Variants in RAP1B observed in about 807,000 individuals in gnomAD.
RAP1B encodes the protein ras-related protein Rap-1b.
RAP1B carries 1 observed loss-of-function variant against 27.5 expected under a neutral mutation model. The ratio of observed to expected loss-of-function variants is 0.04; its 90% CI spans 0.01 to 0.17. The LOEUF (loss-of-function observed/expected upper bound fraction) is 0.17. Among genes scored for constraint, RAP1B ranks in the 10% least tolerant of loss-of-function variants. RAP1B has a pLI of 1.00. For missense variants in RAP1B, 84 were observed against 214.8 expected (o/e 0.39, Z 3.81); for synonymous variants, 75 against 73.1 (o/e 1.03, Z -0.13).
At chr12:68,613,429 T>C (rs1440753103) in intron 1 of RAP1B, among the ~76,000 whole-genome samples, 1 of 149,824 alleles carries the variant, frequency 6.7e-6, no homozygotes, top group Non-Finnish European at 1.5e-5. Flanking sequence ...AAATGATTGC[T>C]CTGCTCTCTT....
chr12:68,654,423 A>G (rs577391284), intron 5 of RAP1B, among the ~76,000 whole-genome samples, 171 bp downstream of exon 5: 6 of 151,026 alleles, frequency 4.0e-5, no homozygotes, highest in Non-Finnish European at 7.4e-5. Flanking sequence ...TTTCAAATAT[A>G]TATCATGTGG....
intron 1 of RAP1B, among the ~76,000 whole-genome samples, chr12:68,637,121 TTA>T (rs1392661003): frequency 6.6e-6 from 1 of 152,228 alleles, no homozygotes; most frequent in Non-Finnish European, 1.5e-5. Flanking sequence ...TGGAAATGAA[TTA>T]TTAGTCTTTA....
At chr12:68,644,087 C>A (rs1873221847) in intron 1 of RAP1B, among the ~76,000 whole-genome samples, 1 of 152,088 alleles carries the variant, frequency 6.6e-6, no homozygotes, top group South Asian at 2.1e-4. Flanking sequence ...ATTAAGACTT[C>A]TGTGATTAAT....
rs1264184485 is a variant in RAP1B at position 68,668,367 on chromosome 12, T to C, written c.*9118T>C. 1 of 152,176 alleles carries C rather than the reference T, an allele frequency of 6.6e-6. No homozygotes were observed. Among genetic ancestry groups the C allele is most frequent in the African/African-American group, 2.4e-5 (1 of 41,446 alleles). The allele number at this position is 152,176 out of a possible 1,614,324, so 9.4% of individuals were successfully genotyped here. On this transcript the variant is annotated 3_prime_UTR_variant, in exon 8 of 8. Coordinates refer to ENST00000250559, the MANE Select transcript of RAP1B (RefSeq NM_001010942.3). ...TATAATAAGGAAGGGGTTTTTTTCT[T>C]AGCCCAGTTACTACTAAAACTCACT...
intron 5 of RAP1B, among the ~76,000 whole-genome samples, chr12:68,655,108 C>T (rs994175002): frequency 6.6e-6 from 1 of 151,990 alleles, no homozygotes; most frequent in East Asian, 1.9e-4. Context: ...CTCAGGAGTT[C>T]AAGACCTCCC....
rs1008655127 is a variant in RAP1B at position 68,643,346 on chromosome 12, C to G, written c.-26-5353C>G. Among the ~76,000 whole-genome samples, 3 of 152,212 alleles carry G rather than the reference C, an allele frequency of 2.0e-5. No homozygotes were observed. In the South Asian group the frequency reaches 6.2e-4, roughly 32 times the overall value. ...AAGTACTAACTTAAGTCCTTTGCTA[C>G]CATATTTATCTTTTCATTCTAGATA... On this transcript the variant is annotated intron_variant, in intron 1 of 7. Coordinates refer to ENST00000250559, the MANE Select transcript of RAP1B (RefSeq NM_001010942.3).
At position 68,627,470 on chromosome 12, in the gene RAP1B, C is replaced by T. The variant is rs557292055; in HGVS notation, c.-27+16427C>T. The T allele has an allele frequency of 4.4e-5, 13 of 293,446 alleles. No homozygotes were observed. In the Admixed American group the frequency reaches 5.8e-4, roughly 13 times the overall value. The allele number at this position is 293,446 out of a possible 1,614,324, so 18.2% of individuals were successfully genotyped here. A position where few individuals can be genotyped will look rare whatever the true frequency, so the allele number is the denominator to read the frequency against. ...GTTAGGAGTATAAATGGTTTGGTAG[C>T]CAACCACTACTTTAAAATTGATTAG... On this transcript the variant is annotated intron_variant, in intron 1 of 7. Coordinates refer to ENST00000250559, the MANE Select transcript of RAP1B (RefSeq NM_001010942.3).
In RAP1B at chr12:68,652,330, C is replaced by T. The variant is rs187082708; in HGVS notation, c.183+279C>T. Reference sequence around the variant, plus strand: ...GTGTGGTGGTGGGAGCCTGTAATCCCAGCTACTCAGGAGGCTGAGGCAGGA... The same window carrying T: ...GTGTGGTGGTGGGAGCCTGTAATCCTAGCTACTCAGGAGGCTGAGGCAGGA... On this transcript the variant is annotated intron_variant, in intron 4 of 7. Coordinates refer to ENST00000250559, the MANE Select transcript of RAP1B (RefSeq NM_001010942.3). 2.2e-4 allele frequency among the ~76,000 whole-genome samples: 33 copies of T among 152,044 alleles called. No individual in the cohort carries two copies. The East Asian group carries it at 5.6e-3, about 26-fold the overall frequency.
At chr12:68,656,124 G>A (rs1874188397) in intron 5 of RAP1B, among the ~76,000 whole-genome samples, 182 bp from the exon 6 acceptor site, 1 of 152,078 alleles carries the variant, frequency 6.6e-6, no homozygotes, top group Admixed American at 6.5e-5. Flanking sequence ...TGACATCAAA[G>A]TTAATACTTA....
chr12:68,647,587 T>A (rs1336009756), intron 1 of RAP1B, among the ~76,000 whole-genome samples: 5 of 151,008 alleles, frequency 3.3e-5, no homozygotes, highest in South Asian at 4.2e-4. Flanking sequence ...TTTTTTTTTT[T>A]AATTTCCCCA....
chr12:68,626,781 TTTTGTTGTTTGTTTG>T, intron 1 of RAP1B: 1 of 1,293,260 alleles, frequency 7.7e-7, no homozygotes, highest in Admixed American at 2.1e-5. Context: ...GGTGTTTTTT[TTTTGTTGTTTGTTTG>T]TTTGTTTGTT....
At chr12:68,641,792 T>TTAA (rs1555172423) in intron 1 of RAP1B, among the ~76,000 whole-genome samples, 1 of 146,158 alleles carries the variant, frequency 6.8e-6, no homozygotes, top group Non-Finnish European at 1.5e-5. Flanking sequence ...GAATCAAAGG[T>TTAA]AAAAAAAAAA....
At position 68,654,091 on chromosome 12, in the gene RAP1B, GTTCCT is replaced by G; in HGVS notation, c.184-17_184-13del. 6.4e-7 allele frequency: 1 copy of G among 1,557,086 alleles called. No individual in the cohort carries two copies. The highest frequency in any genetic ancestry group is 1.8e-5 in the Admixed American group (1 of 56,794). ...TGTCAAAACATTATTGTTTTTTAACGTTCCTTTCTTTCTATTGTAGGAGCAATTTA... is the reference window on the plus strand; with the variant it reads ...TGTCAAAACATTATTGTTTTTTAACGTTCTTTCTATTGTAGGAGCAATTTA... On this transcript the variant is annotated splice_polypyrimidine_tract_variant and intron_variant, in intron 4 of 7. Transcript: ENST00000250559.
At chr12:68,645,959 TAATA>T (rs1299569172) in intron 1 of RAP1B, among the ~76,000 whole-genome samples, 2 of 152,094 alleles carry the variant, frequency 1.3e-5, no homozygotes, top group African/African-American at 4.8e-5. Flanking sequence ...TAATCAACAG[TAATA>T]AATAAAAGGA....
chr12:68,658,645 A>G (rs1175991989), intron 7 of RAP1B, among the ~76,000 whole-genome samples: 1 of 152,080 alleles, frequency 6.6e-6, no homozygotes, highest in African/African-American at 2.4e-5. Flanking sequence ...TTAGTGTAAT[A>G]CCACCTTTTT....
intron 1 of RAP1B, among the ~76,000 whole-genome samples, chr12:68,619,488 T>C (rs1871248169): frequency 6.6e-6 from 1 of 152,224 alleles, no homozygotes; most frequent in South Asian, 2.1e-4. Flanking sequence ...AAGTGTCAGC[T>C]AGACCAATGG....
At chr12:68,642,203 C>T (rs562006643) in intron 1 of RAP1B, among the ~76,000 whole-genome samples, 15 of 152,284 alleles carry the variant, frequency 9.9e-5, no homozygotes, top group African/African-American at 3.4e-4. Context: ...CAATTCTTAA[C>T]TGTACAGATA....
At chr12:68,619,482 G>A (rs1200325337) in intron 1 of RAP1B, among the ~76,000 whole-genome samples, 2 of 152,154 alleles carry the variant, frequency 1.3e-5, no homozygotes, top group Non-Finnish European at 2.9e-5. Context: ...TTTACAAAGT[G>A]TCAGCTAGAC....
rs767567865 is a variant in RAP1B at position 68,652,495 on chromosome 12, T to C, written c.183+444T>C. ...ACTACTAGTTGCTAAACTTTAAATC[T>C]TTTTGTTGTTGTTCCGTTGAATCCT... On this transcript the variant is annotated intron_variant, in intron 4 of 7. Coordinates refer to ENST00000250559, the MANE Select transcript of RAP1B (RefSeq NM_001010942.3). 9.2e-5 allele frequency among the ~76,000 whole-genome samples: 14 copies of C among 152,244 alleles called. 1 individual carries two copies. Among genetic ancestry groups the C allele is most frequent in the Non-Finnish European group, 1.3e-4 (9 of 67,994 alleles).
Sources: gnomAD v4.1 joint callset for allele counts (sites outside exome capture counted in the v4.1 genomes callset) on GRCh38, gnomAD v4.1.1 for gene constraint, MANE v1.5 for transcripts, NCBI Gene and HGNC (gene_info 2026-07-23, HGNC 2026-07-21) for gene names.